ATP1B3: variants seen among roughly 807,000 people sequenced by gnomAD.
ATP1B3 encodes sodium/potassium-transporting ATPase subunit beta-3.
ATP1B3 carries 10 observed loss-of-function variants against 30.2 expected under a neutral mutation model. The ratio of observed to expected loss-of-function variants is 0.33; its 90% CI spans 0.20 to 0.56. The LOEUF (loss-of-function observed/expected upper bound fraction) is 0.56, where lower values mean the gene tolerates loss of function less well. Ranked by LOEUF, ATP1B3 falls within the 20% of genes least tolerant of loss-of-function variation. The probability of loss-of-function intolerance (pLI) is 0.90; values close to 1 mark genes in which losing one functional copy is unlikely to be tolerated. For missense variants in ATP1B3, 238 were observed against 336.7 expected (o/e 0.71, Z 2.29); for synonymous variants, 113 against 117.0 (o/e 0.97, Z 0.22).
At chr3:141,920,241 G>A (rs1244875762) in intron 5 of ATP1B3, among the ~76,000 whole-genome samples, 1 of 152,118 alleles carries the variant, frequency 6.6e-6, no homozygotes, top group Non-Finnish European at 1.5e-5. Flanking sequence ...TAGGCCTAAA[G>A]GAGGGAAGTG....
intron 1 of ATP1B3, among the ~76,000 whole-genome samples, chr3:141,888,082 C>A (rs534348389): frequency 6.6e-6 from 1 of 152,110 alleles, no homozygotes; most frequent in African/African-American, 2.4e-5. Flanking sequence ...TTAGTTAATA[C>A]GCATGCTGAA....
chr3:141,888,899 T>G (rs1933884034), intron 1 of ATP1B3, among the ~76,000 whole-genome samples: 1 of 152,100 alleles, frequency 6.6e-6, no homozygotes, highest in African/African-American at 2.4e-5. Context: ...ACTGAGTCAA[T>G]TAAACCTCTT....
chr3:141,902,002 G>A (rs1171537696), intron 1 of ATP1B3: 1 of 562,164 alleles, frequency 1.8e-6, no homozygotes, highest in Non-Finnish European at 2.9e-6. Flanking sequence ...CTTCGTTCCT[G>A]CAGACACCTA....
At chr3:141,919,320 G>A (rs147133825) in intron 5 of ATP1B3, among the ~76,000 whole-genome samples, 259 of 148,758 alleles carry the variant, frequency 1.7e-3, no homozygotes, top group African/African-American at 5.9e-3. Flanking sequence ...GTGTCACCAT[G>A]TTGCCAGGCT....
At chr3:141,882,524 G>A (rs1485707341) in intron 1 of ATP1B3, among the ~76,000 whole-genome samples, 1 of 151,962 alleles carries the variant, frequency 6.6e-6, no homozygotes, top group Non-Finnish European at 1.5e-5. Flanking sequence ...ATCTAGTCTG[G>A]TGGCTTAGTT....
At chr3:141,909,109 C>A (rs1257253139) in intron 3 of ATP1B3, among the ~76,000 whole-genome samples, 1 of 152,196 alleles carries the variant, frequency 6.6e-6, no homozygotes, top group African/African-American at 2.4e-5. Context: ...AAACCAAAAG[C>A]TGCTTCTGAT....
rs554069416 is a variant in ATP1B3 at position 141,925,598 on chromosome 3, T to G, written c.737T>G (p.Val246Gly). The G allele has an allele frequency of 6.2e-7, 1 of 1,613,880 alleles. No homozygotes were observed. Among genetic ancestry groups the G allele is most frequent in the Admixed American group, 1.7e-5 (1 of 60,008 alleles). The part of the protein sequence containing the change: ...SFAPNNTGKE[V>G]TVECKIDGSA... ...GCTCCTAACAACACTGGGAAAGAAG[T>G]AACAGTTGAGTGCAAGATTGATGGA... The change falls in exon 7 of 7, where the codon GTA becomes GGA. Residue 246 changes from valine (V) to glycine (G), a missense_variant. Val to Gly is a moderately radical substitution (Grantham distance 109). Transcript: ENST00000286371.
At chr3:141,887,973 A>C (rs1173847653) in intron 1 of ATP1B3, among the ~76,000 whole-genome samples, 1 of 152,204 alleles carries the variant, frequency 6.6e-6, no homozygotes, top group African/African-American at 2.4e-5. Context: ...CTGTATCTTG[A>C]ATAGGGCTTT....
intron 2 of ATP1B3, 45 bp from the exon 3 acceptor site, chr3:141,907,122 G>T: frequency 1.4e-6 from 2 of 1,443,876 alleles, no homozygotes; most frequent in Middle Eastern, 1.8e-4. Flanking sequence ...GGAAGGAAAA[G>T]AAGAGAAGGA....
intron 1 of ATP1B3, among the ~76,000 whole-genome samples, chr3:141,883,354 T>C (rs766304884): frequency 2.0e-5 from 3 of 151,962 alleles, no homozygotes; most frequent in Non-Finnish European, 2.9e-5. Flanking sequence ...CCAGGTGTGG[T>C]GGCGTAGTGA....
At chr3:141,900,729 G>A (rs1934146858) in intron 1 of ATP1B3, among the ~76,000 whole-genome samples, 1 of 152,056 alleles carries the variant, frequency 6.6e-6, no homozygotes, top group African/African-American at 2.4e-5. Flanking sequence ...TCCTTCCCCT[G>A]GATGACATGG....
chr3:141,895,281 C>T (rs772316775), intron 1 of ATP1B3, among the ~76,000 whole-genome samples: 5 of 151,036 alleles, frequency 3.3e-5, no homozygotes, highest in African/African-American at 4.9e-5. Context: ...CTCTGCCTCC[C>T]GTGTTCAAGC....
chr3:141,876,942 G>A lies in ATP1B3; in HGVS notation c.109+32G>A, dbSNP rs369969729. The A allele has an allele frequency of 7.3e-5, 111 of 1,520,430 alleles. No individual in the cohort carries two copies. In the African/African-American group the frequency reaches 1.4e-3, roughly 20 times the overall value. 94.2% of individuals were successfully genotyped at this position (1,520,430 alleles called of 1,614,324 possible). On this transcript the variant is annotated intron_variant, in intron 1 of 6. Coordinates refer to ENST00000286371, the MANE Select transcript of ATP1B3 (RefSeq NM_001679.4). ...GGGCAGCAGCTGGGCGTCCGGGGCC[G>A]GCCTCGGTCCCGGGGGCGCCGGGCG... is the stretch of plus-strand genomic sequence containing the variant.
At chr3:141,894,948 C>G (rs1934032972) in intron 1 of ATP1B3, among the ~76,000 whole-genome samples, 1 of 152,236 alleles carries the variant, frequency 6.6e-6, no homozygotes, top group East Asian at 1.9e-4. Flanking sequence ...TTTGTTTATA[C>G]CAGCATTGCT....
chr3:141,915,191 G>A (rs1052751265), intron 4 of ATP1B3, among the ~76,000 whole-genome samples: 1 of 152,150 alleles, frequency 6.6e-6, no homozygotes, highest in Non-Finnish European at 1.5e-5. Flanking sequence ...CTGAGACCAT[G>A]CTTGCTGATG....
intron 6 of ATP1B3, among the ~76,000 whole-genome samples, chr3:141,922,644 TTC>T (rs1934585295): frequency 6.7e-6 from 1 of 150,028 alleles, no homozygotes; most frequent in African/African-American, 2.5e-5. Flanking sequence ...CAGAATGGGA[TTC>T]TGTTTCCCCC....
In ATP1B3 at chr3:141,908,522, C is replaced by A. The variant is rs367671472; in HGVS notation, c.346+1248C>A. 4.9e-4 allele frequency among the ~76,000 whole-genome samples: 75 copies of A among 152,326 alleles called. 1 individual carries two copies. In the South Asian group the frequency reaches 0.015, roughly 31 times the overall value. Reference sequence around the variant, plus strand: ...GCTCTAAAATCCCAGACCTCTCAGTCTTCATGTCACACCCTGTGGGAGTAC... The same window carrying A: ...GCTCTAAAATCCCAGACCTCTCAGTATTCATGTCACACCCTGTGGGAGTAC... On this transcript the variant is annotated intron_variant, in intron 3 of 6. Coordinates refer to ENST00000286371, the MANE Select transcript of ATP1B3 (RefSeq NM_001679.4).
At chr3:141,897,999 T>G (rs1323570771) in intron 1 of ATP1B3, among the ~76,000 whole-genome samples, 2 of 152,222 alleles carry the variant, frequency 1.3e-5, no homozygotes, top group Non-Finnish European at 2.9e-5. Context: ...CATGAGCCAC[T>G]GTGCCTGGCC....
chr3:141,883,917 G>A (rs1405179118), intron 1 of ATP1B3, among the ~76,000 whole-genome samples: 1 of 152,154 alleles, frequency 6.6e-6, no homozygotes, highest in Non-Finnish European at 1.5e-5. Flanking sequence ...TCTTATTGGA[G>A]ACTCAGCTGG....
Sources: gnomAD v4.1 joint callset for allele counts (sites outside exome capture counted in the v4.1 genomes callset) on GRCh38, gnomAD v4.1.1 for gene constraint, MANE v1.5 for transcripts, NCBI Gene and HGNC (gene_info 2026-07-23, HGNC 2026-07-21) for gene names.